Variants in KIAA1210 observed in about 807,000 individuals in gnomAD.
KIAA1210 encodes the protein KIAA1210.
A neutral mutation model predicts 78.9 loss-of-function variants in KIAA1210; 48 were observed. The observed-to-expected ratio is 0.61, with a 90% CI of 0.48 to 0.77. The LOEUF (loss-of-function observed/expected upper bound fraction) is 0.77. Ranked by LOEUF, KIAA1210 falls within the 30% of genes least tolerant of loss-of-function variation. The pLI is 0.00. For synonymous variants in KIAA1210, 406 were observed against 404.5 expected, an observed-to-expected ratio of 1.00 and a Z score of -0.04; for missense variants, 1,108 against 1,100.0, an observed-to-expected ratio of 1.01 and a Z score of -0.10.
At position 119,102,421 on chromosome X, in the gene KIAA1210, A is replaced by T. The variant is rs1335058154; in HGVS notation, c.648+2571T>A. 4.5e-5 allele frequency among the ~76,000 whole-genome samples: 5 copies of T among 111,555 alleles called. No individual in the cohort carries two copies. The South Asian group carries it at 1.1e-3, about 26-fold the overall frequency. On this transcript the variant is annotated intron_variant, in intron 6 of 11. Coordinates refer to ENST00000691062, the MANE Select transcript of KIAA1210 (RefSeq NM_001394962.1). ...CTCACTACATTGCCCAGGTGGAAGT[A>T]CAGTGGCTACACACAGGCATGATCA...
At position 119,087,752 on chromosome X, in the gene KIAA1210, G is replaced by A. The variant is rs778899646; in HGVS notation, c.2950C>T (p.Gln984Ter). 1.7e-6 allele frequency: 2 copies of A among 1,211,811 alleles called. No homozygotes were observed. The highest frequency in any genetic ancestry group is 3.5e-5 in the South Asian group (2 of 56,978). The change falls in exon 9 of 12, where the codon CAG (glutamine) becomes TAG (stop). Residue 984 changes from glutamine (Q) to a stop codon, truncating the protein, a stop_gained. Coordinates refer to ENST00000691062, the MANE Select transcript of KIAA1210 (RefSeq NM_001394962.1). LOFTEE classifies it high-confidence loss of function. The part of the protein sequence containing the change: ...GSPLPPQYAT[Q>*]FLKRSKVQEM... ...TGAACTTTAGACCTCTTTAAGAACTGGGTAGCATATTGGGGAGGCAATGGA... is the reference window on the plus strand; with the variant it reads ...TGAACTTTAGACCTCTTTAAGAACTAGGTAGCATATTGGGGAGGCAATGGA...
At chrX:119,096,764 C>A in intron 6 of KIAA1210, 73 bp from the exon 7 acceptor site, 6 of 768,508 alleles carry the variant, frequency 7.8e-6, no homozygotes, top group South Asian at 3.4e-5. Context: ...GATATTCTTC[C>A]GGCTGAAGAA....
upstream of KIAA1210, among the ~76,000 whole-genome samples, chrX:119,132,295 T>C (rs760456479): frequency 1.3e-4 from 14 of 111,865 alleles, no homozygotes; most frequent in East Asian, 2.8e-3. Flanking sequence ...GACAGTATTT[T>C]TTTTGTCATT....
At chrX:119,140,141 A>AG (rs745563152) in intron 2 of KIAA1210, among the ~76,000 whole-genome samples, 4 of 112,616 alleles carry the variant, frequency 3.6e-5, no homozygotes, top group Non-Finnish European at 5.6e-5. Flanking sequence ...ATGGTGGCCC[A>AG]GCCTTCACAG....
rs1024209084 is a variant in KIAA1210 at position 119,087,259 on chromosome X, G to A, written c.3443C>T (p.Ser1148Phe). 8.3e-7 allele frequency: 1 copy of A among 1,210,974 alleles called. No individual in the cohort carries two copies. Among genetic ancestry groups the A allele is most frequent in the Non-Finnish European group, 1.1e-6 (1 of 895,087 alleles). ...SASSPKEWRN[S>F]KKQLPPKHSS... ...ATGTTTGGGAGGCAGCTGCTTTTTAGAATTCCTCCACTCTTTAGGAGAACT... is the reference window on the plus strand; with the variant it reads ...ATGTTTGGGAGGCAGCTGCTTTTTAAAATTCCTCCACTCTTTAGGAGAACT... The change falls in exon 9 of 12, where the codon TCT (serine) becomes TTT (phenylalanine). Residue 1148 changes from serine (S) to phenylalanine (F), a missense_variant. Around this residue, in one of 5 missense-constraint regions of KIAA1210, gnomAD observed 245 missense variants for 278.8 expected, o/e 0.88. Coordinates refer to ENST00000691062, the MANE Select transcript of KIAA1210 (RefSeq NM_001394962.1).
intron 5 of KIAA1210, among the ~76,000 whole-genome samples, chrX:119,105,885 C>T (rs1033057495): frequency 5.4e-5 from 6 of 111,463 alleles, no homozygotes; most frequent in African/African-American, 1.3e-4. Context: ...GGTCAGAATC[C>T]CTGCTTTTTA....
upstream of KIAA1210, among the ~76,000 whole-genome samples, chrX:119,150,731 G>T (rs1010811736): frequency 3.6e-5 from 4 of 112,381 alleles, no homozygotes; most frequent in Non-Finnish European, 7.5e-5. Flanking sequence ...CCCAACCAGC[G>T]GGGTGCACAG....
chrX:119,132,762 C>G (rs1011847138), upstream of KIAA1210, among the ~76,000 whole-genome samples: 14 of 111,454 alleles, frequency 1.3e-4, no homozygotes, highest in African/African-American at 4.6e-4. Flanking sequence ...TCTTGAGTAG[C>G]TAGGACTTAC....
intron 2 of KIAA1210, among the ~76,000 whole-genome samples, chrX:119,143,038 G>T (rs186323279): frequency 1.1e-4 from 12 of 111,760 alleles, no homozygotes; most frequent in Non-Finnish European, 1.5e-4. Flanking sequence ...CTCTTGGCAT[G>T]AGGCATAACA....
chrX:119,092,017 C>G, intron 8 of KIAA1210, among the ~76,000 whole-genome samples: 1 of 111,807 alleles, frequency 8.9e-6, no homozygotes, highest in East Asian at 2.8e-4. Flanking sequence ...GACAGGTGCA[C>G]TAAAATCCTA....
intron 11 of KIAA1210, among the ~76,000 whole-genome samples, chrX:119,082,317 ACTG>A (rs3049070): frequency 0.07 from 7,849 of 111,834 alleles, 711 homozygotes; most frequent in African/African-American, 0.24. Flanking sequence ...GAGCAAGTCA[ACTG>A]CTGCTATTTC....
intron 6 of KIAA1210, among the ~76,000 whole-genome samples, chrX:119,103,687 G>A (rs1927801823): frequency 1.8e-5 from 2 of 112,224 alleles, no homozygotes; most frequent in South Asian, 7.5e-4. Context: ...CCAAAAGGTA[G>A]ATAGGACACA....
chrX:119,127,239 A>G (rs1318044832), intron 1 of KIAA1210, among the ~76,000 whole-genome samples: 1 of 110,082 alleles, frequency 9.1e-6, no homozygotes, highest in Admixed American at 9.8e-5. Flanking sequence ...TATCTTAGAG[A>G]AGCCTGTGGG....
At chrX:119,131,997 G>A (rs1569323191), upstream of KIAA1210, among the ~76,000 whole-genome samples, 3 of 111,960 alleles carry the variant, frequency 2.7e-5, no homozygotes, top group Non-Finnish European at 3.8e-5. Context: ...GCGCCCATGA[G>A]GTTGAGGCTG....
At chrX:119,115,510 A>G (rs1287464993) in intron 3 of KIAA1210, among the ~76,000 whole-genome samples, 2 of 111,754 alleles carry the variant, frequency 1.8e-5, no homozygotes, top group African/African-American at 6.5e-5. Flanking sequence ...CTTACACTGG[A>G]TGCACTCATG....
chrX:119,146,154 AATGC>A (rs1929162003), intron 2 of KIAA1210, among the ~76,000 whole-genome samples: 1 of 112,251 alleles, frequency 8.9e-6, no homozygotes, highest in Non-Finnish European at 1.9e-5. Flanking sequence ...CACAACTGAA[AATGC>A]ACTTTCAAAG....
At chrX:119,144,471 T>C (rs754046715) in intron 2 of KIAA1210, among the ~76,000 whole-genome samples, 2 of 112,411 alleles carry the variant, frequency 1.8e-5, no homozygotes, top group South Asian at 7.4e-4. Context: ...AACAATGCTG[T>C]AGCATAGACA....
chrX:119,094,644 G>C (rs900209253), intron 7 of KIAA1210, among the ~76,000 whole-genome samples: 1 of 111,976 alleles, frequency 8.9e-6, no homozygotes, highest in Non-Finnish European at 1.9e-5. Flanking sequence ...ATAAATAAGG[G>C]ACCAGGAGAA....
chrX:119,088,528 T>C lies in KIAA1210; in HGVS notation c.2174A>G (p.Glu725Gly). Reference protein sequence around the residue: ...VSSASNNTPEEQNDFMQQLPS... With the variant: ...VSSASNNTPEGQNDFMQQLPS... ...CAGCTGCTGCATAAAATCATTCTGC[T>C]CTTCAGGAGTATTATTTGAAGCAGA... The change falls in exon 9 of 12, where the codon GAG (glutamate) becomes GGG (glycine). Residue 725 changes from glutamate to glycine, a missense_variant. Coordinates refer to ENST00000691062, the MANE Select transcript of KIAA1210 (RefSeq NM_001394962.1). 8.3e-7 allele frequency: 1 copy of C among 1,210,976 alleles called. No homozygotes were observed. The highest frequency in any genetic ancestry group is 1.1e-6 in the Non-Finnish European group (1 of 895,105).
Sources: gnomAD v4.1 joint callset for allele counts (sites outside exome capture counted in the v4.1 genomes callset) on GRCh38, gnomAD v4.1.1 for gene constraint, gnomAD v4.1.1 regional missense constraint, MANE v1.5 for transcripts, NCBI Gene and HGNC (gene_info 2026-07-23, HGNC 2026-07-21) for gene names.